Variants in BCL3 observed in about 807,000 individuals in gnomAD.
The protein encoded by BCL3 is BCL3 transcription coactivator.
BCL3 carries 15 observed loss-of-function variants against 35.7 expected under a neutral mutation model. The ratio of observed to expected loss-of-function variants is 0.42; its 90% CI spans 0.28 to 0.65. The LOEUF (loss-of-function observed/expected upper bound fraction) is 0.65, where lower values mean the gene tolerates loss of function less well. BCL3 is among the 30% of genes least tolerant of loss of function. BCL3 has a pLI of 0.22. For missense variants in BCL3, 565 were observed against 641.7 expected, an observed-to-expected ratio of 0.88 and a Z score of 1.29; for synonymous variants, 311 against 284.3, an observed-to-expected ratio of 1.09 and a Z score of -0.95.
chr19:44,755,354 T>C (rs1967260807), intron 2 of BCL3: 1 of 152,242 alleles, frequency 6.6e-6, no homozygotes, highest in East Asian at 1.9e-4. Context: ...CCTTCAGCAT[T>C]GGGGTCAGGA....
At chr19:44,755,910 C>T (rs1667982624) in intron 2 of BCL3, among the ~76,000 whole-genome samples, 1 of 152,064 alleles carries the variant, frequency 6.6e-6, no homozygotes, top group Non-Finnish European at 1.5e-5. Flanking sequence ...TAGAACAACA[C>T]TCCGTCTCAA....
chr19:44,759,549 C>A lies in BCL3; in HGVS notation c.1299C>A (p.Pro433=), dbSNP rs2122316003. ...CCCCATCTCCACCCGCCTTCCTGCC[C>A]TTTGCTGGGGTCCTCCGAGGCCCTG... ...LPSPSPPAFL[P]FAGVLRGPGR... Residue 433 remains proline, a synonymous_variant, in exon 9 of 9, where the codon CCC becomes CCA. Coordinates refer to ENST00000164227, the MANE Select transcript of BCL3 (RefSeq NM_005178.5). 6.2e-7 allele frequency: 1 copy of A among 1,613,002 alleles called. No homozygotes were observed.
chr19:44,749,719 A>G (rs1967141037), intron 1 of BCL3, among the ~76,000 whole-genome samples: 1 of 152,088 alleles, frequency 6.6e-6, no homozygotes, highest in South Asian at 2.1e-4. Flanking sequence ...GTACTCAGTT[A>G]TGTGGGGCCA....
chr19:44,749,073 G>T, intron 1 of BCL3, 27 bp downstream of exon 1: 1 of 1,243,472 alleles, frequency 8.0e-7, no homozygotes, highest in South Asian at 2.0e-5. Context: ...GGTCCGGGCC[G>T]GGTGGGATCC....
chr19:44,752,531 A>G (rs748468560), intron 2 of BCL3, among the ~76,000 whole-genome samples: 3 of 152,004 alleles, frequency 2.0e-5, no homozygotes, highest in Non-Finnish European at 4.4e-5. Context: ...GCCATTTTCT[A>G]TTCTAGTCGA....
rs991150060 is a variant in BCL3 at position 44,757,890 on chromosome 19, C to T, written c.891+167C>T. Among the ~76,000 whole-genome samples the T allele has an allele frequency of 1.3e-5, 2 of 152,164 alleles. No homozygotes were observed. Among genetic ancestry groups the T allele is most frequent in the Admixed American group, 6.5e-5 (1 of 15,288 alleles). On this transcript the variant is annotated intron_variant, in intron 6 of 8. Coordinates refer to ENST00000164227, the MANE Select transcript of BCL3 (RefSeq NM_005178.5). This position sits in a 1 kb window ranked among gnomAD's most constrained non-coding sequence, Gnocchi z 8.4. ...TAGTTTTCTCGACCCTCGGGCTCCA[C>T]GCCCCTGGCTACGAACTTGTCCCAT...
chr19:44,750,125 C>A (rs2053771534), intron 1 of BCL3, among the ~76,000 whole-genome samples: 1 of 152,160 alleles, frequency 6.6e-6, no homozygotes, highest in Admixed American at 6.5e-5. Flanking sequence ...GCACCCTCCA[C>A]CCCATCAGCG....
At chr19:44,758,435 C>T (rs1967341849) in intron 7 of BCL3, 22 bp downstream of exon 7, 3 of 1,535,284 alleles carry the variant, frequency 2.0e-6, no homozygotes, top group South Asian at 2.4e-5. Context: ...CAGCTGTGGA[C>T]ATGCCCCTTG....
intron 2 of BCL3, among the ~76,000 whole-genome samples, chr19:44,755,751 C>T (rs1474590472): frequency 1.3e-5 from 2 of 151,914 alleles, no homozygotes; most frequent in African/African-American, 2.4e-5. Context: ...AACCATGTCT[C>T]TACTAAAAAT....
chr19:44,750,932 A>G (rs1458550978), intron 1 of BCL3, among the ~76,000 whole-genome samples: 1 of 152,148 alleles, frequency 6.6e-6, no homozygotes, highest in Non-Finnish European at 1.5e-5. Context: ...CTGCTAGGTG[A>G]TGATGGGTGC....
At chr19:44,754,300 T>A (rs913241677) in intron 2 of BCL3, among the ~76,000 whole-genome samples, 1 of 151,008 alleles carries the variant, frequency 6.6e-6, no homozygotes, top group African/African-American at 2.4e-5. Context: ...TTCCAGAGGG[T>A]CCCCCAGGCG....
chr19:44,756,235 T>G lies in BCL3; in HGVS notation c.414T>G (p.Pro138=). 1 of 1,490,110 alleles carries G rather than the reference T, an allele frequency of 6.7e-7. No individual in the cohort carries two copies. The highest frequency in any genetic ancestry group is 9.0e-7 in the Non-Finnish European group (1 of 1,111,518). The allele number at this position is 1,490,110 out of a possible 1,614,324, so 92.3% of individuals were successfully genotyped here. Reference sequence around the variant, plus strand: ...TCCTTCACTCCCCCACCCCCAGGCCTCTCCATATTGCTGTGGTGCAGGGTA... The same window carrying G: ...TCCTTCACTCCCCCACCCCCAGGCCGCTCCATATTGCTGTGGTGCAGGGTA... ...ATRADEDGDT[P]LHIAVVQGNL... is the part of the protein sequence containing the mutation. The change falls in exon 3 of 9, where the codon CCT becomes CCG. Residue 138 remains proline, a synonymous_variant. Transcript: ENST00000164227.
Position 44,759,440 on chromosome 19 carries a change from C to A in BCL3, c.1190C>A (p.Ala397Glu). The A allele has an allele frequency of 6.2e-7, 1 of 1,608,290 alleles. No individual in the cohort carries two copies. Among genetic ancestry groups the A allele is most frequent in the Non-Finnish European group, 8.5e-7 (1 of 1,177,756 alleles). ...CTTCCTTCCTCAGGTCTTCTCTCCG[C>A]ATCACCATCCTCCTCACCCTCCCAG... ...SRLSSNGLLS[A>E]SPSSSPSQSP... The change falls in exon 9 of 9, where the codon GCA becomes GAA. Residue 397 changes from alanine to glutamate, a missense_variant. Transcript: ENST00000164227.
Position 44,748,957 on chromosome 19 carries a change from C to G in BCL3, c.167C>G (p.Pro56Arg), listed in dbSNP as rs1426234951. 127 of 1,357,866 alleles carry G rather than the reference C, an allele frequency of 9.4e-5. No homozygotes were observed. Among genetic ancestry groups the G allele is most frequent in the Non-Finnish European group, 1.2e-4 (122 of 1,051,776 alleles). The allele number at this position is 1,357,866 out of a possible 1,614,324, so 84.1% of individuals were successfully genotyped here. A position where few individuals can be genotyped will look rare whatever the true frequency, so the allele number is the denominator to read the frequency against. Residue 56 changes from proline to arginine, a missense_variant, in exon 1 of 9, where the codon CCC becomes CGC. Pro to Arg is a moderately radical substitution (Grantham distance 103). Coordinates refer to ENST00000164227, the MANE Select transcript of BCL3 (RefSeq NM_005178.5). Reference sequence around the variant, plus strand: ...CGCGGCGCTGCGGGCCTTGTCGTCCCCCTGGACCCTCTGCGCGGCGGCTGC... The same window carrying G: ...CGCGGCGCTGCGGGCCTTGTCGTCCGCCTGGACCCTCTGCGCGGCGGCTGC... ...APRGAAGLVV[P>R]LDPLRGGCDL...
Position 44,757,050 on chromosome 19 carries a change from C to G in BCL3, c.553C>G (p.Pro185Ala). The change falls in exon 4 of 9, where the codon CCG becomes GCG. Residue 185 changes from proline (P) to alanine (A), a missense_variant. Physicochemically the swap from Pro to Ala is conservative, Grantham distance 27. Transcript: ENST00000164227. The surrounding 1 kb of genome is among the most constrained non-coding windows in gnomAD (Gnocchi z 8.4). ...PLHLAVITTL[P>A]SVVRLLVTAG... ...CCACCTGGCTGTGATCACCACATTA[C>G]CGTCTGTGGTCCGGCTCCTGGTGAC... 1 of 1,611,252 alleles carries G rather than the reference C, an allele frequency of 6.2e-7. No individual in the cohort carries two copies. The highest frequency in any genetic ancestry group is 1.1e-5 in the South Asian group (1 of 90,818).
chr19:44,758,793 C>A lies in BCL3; in HGVS notation c.1129C>A (p.Arg377=). Residue 377 remains arginine (R), a synonymous_variant, in exon 8 of 9, where the codon CGG becomes AGG. Transcript: ENST00000164227. ...CTCCCAGCCAGACCCCTCCCCTGAC[C>A]GGAGCGCCAACACCTCCCCCGAGAG... ...STSQPDPSPD[R]SANTSPESSS... is the part of the protein sequence containing the mutation. The A allele has an allele frequency of 6.2e-7, 1 of 1,608,814 alleles. No individual in the cohort carries two copies. The highest frequency in any genetic ancestry group is 8.5e-7 in the Non-Finnish European group (1 of 1,178,388).
intron 8 of BCL3, 42 bp downstream of exon 8, chr19:44,758,883 C>T (rs748993494): frequency 6.8e-7 from 1 of 1,480,838 alleles, no homozygotes; most frequent in African/African-American, 1.4e-5. Flanking sequence ...CGCCTCCTCC[C>T]TCAGACCCAG....
At position 44,757,735 on chromosome 19, in the gene BCL3, C is replaced by T. The variant is rs1197231180; in HGVS notation, c.891+12C>T. On this transcript the variant is annotated intron_variant, in intron 6 of 8. Coordinates refer to ENST00000164227, the MANE Select transcript of BCL3 (RefSeq NM_005178.5). The surrounding 1 kb of genome is among the most constrained non-coding windows in gnomAD (Gnocchi z 8.4). ...AGCTGCTGCTGCAGGTGCGTACAGC[C>T]CCCCTGAGCCTCGCGCCCACCCTAT... is the stretch of plus-strand genomic sequence containing the variant. 10 of 1,612,774 alleles carry T rather than the reference C, an allele frequency of 6.2e-6. No homozygotes were observed. Among genetic ancestry groups the T allele is most frequent in the Non-Finnish European group, 1.7e-6 (2 of 1,179,298 alleles).
At position 44,759,587 on chromosome 19, in the gene BCL3, C is replaced by G; in HGVS notation, c.1337C>G (p.Pro446Arg). 2 of 1,608,200 alleles carry G rather than the reference C, an allele frequency of 1.2e-6. No individual in the cohort carries two copies. Among genetic ancestry groups the G allele is most frequent in the Non-Finnish European group, 1.7e-6 (2 of 1,178,796 alleles). Reference sequence around the variant, plus strand: ...CTCCGAGGCCCTGGCCGGCCGGTGCCCCCCTCCCCAGCTCCAGGAGGCAGC... The same window carrying G: ...CTCCGAGGCCCTGGCCGGCCGGTGCGCCCCTCCCCAGCTCCAGGAGGCAGC... Reference protein sequence around the residue: ...GVLRGPGRPVPPSPAPGGS With the variant: ...GVLRGPGRPVRPSPAPGGS The change falls in exon 9 of 9, where the codon CCC becomes CGC. Residue 446 changes from proline to arginine, a missense_variant. Transcript: ENST00000164227.
Sources: allele counts gnomAD v4.1 joint callset (sites outside exome capture counted in the v4.1 genomes callset), GRCh38; gene constraint gnomAD v4.1.1; non-coding constraint Gnocchi (gnomAD v3.1); transcripts MANE v1.5; gene names NCBI Gene and HGNC (gene_info 2026-07-23, HGNC 2026-07-21).